The following FGF10 variants were observed in gnomAD, a reference collection of about 807,000 sequenced individuals.
FGF10 encodes the protein fibroblast growth factor 10, also known as FGF-10.
In FGF10, 2 loss-of-function variants were observed where a neutral mutation model predicts 19.8. That is an observed-to-expected ratio of 0.10 (90% CI 0.04 to 0.32). The LOEUF is 0.32. Ranked by LOEUF, FGF10 falls within the 10% of genes least tolerant of loss-of-function variation. The probability of loss-of-function intolerance (pLI) is 1.00; values close to 1 mark genes in which losing one functional copy is unlikely to be tolerated. For synonymous variants in FGF10, 112 were observed against 94.0 expected (o/e 1.19, Z -1.10); for missense variants, 191 against 246.3 (o/e 0.78, Z 1.50).
chr5:44,334,267 C>T (rs1561205144), intron 1 of FGF10, among the ~76,000 whole-genome samples: 1 of 152,074 alleles, frequency 6.6e-6, no homozygotes, highest in South Asian at 2.1e-4. Context: ...TTTGCCATAT[C>T]ATCTCTGTAC....
intron 1 of FGF10, among the ~76,000 whole-genome samples, chr5:44,319,000 C>T (rs779557533): frequency 2.0e-5 from 3 of 152,148 alleles, no homozygotes; most frequent in Non-Finnish European, 4.4e-5. Context: ...ATCCAATTCT[C>T]TTTCGTAATA....
At position 44,389,084 on chromosome 5, in the gene FGF10, C is replaced by A. The variant is rs1166792025; in HGVS notation, c.-402G>T. 1.6e-5 allele frequency: 5 copies of A among 319,630 alleles called. No individual in the cohort carries two copies. The East Asian group carries it at 3.0e-4, about 19-fold the overall frequency. 19.8% of individuals were successfully genotyped at this position (319,630 alleles called of 1,614,324 possible). On this transcript the variant is annotated 5_prime_UTR_variant, in exon 1 of 3. Coordinates refer to ENST00000264664, the MANE Select transcript of FGF10 (RefSeq NM_004465.2). ...GAAAAACAGATGACAGCACGGTGAA[C>A]AAAACCCAAGGGAGGTGGGGTGGGG...
chr5:44,366,725 G>A (rs927952679), intron 1 of FGF10, among the ~76,000 whole-genome samples: 1 of 152,008 alleles, frequency 6.6e-6, no homozygotes, highest in African/African-American at 2.4e-5. Context: ...GGTTAGTTTG[G>A]TTGAAATTCA....
chr5:44,335,386 C>CT (rs1740823744), intron 1 of FGF10, among the ~76,000 whole-genome samples: 1 of 151,998 alleles, frequency 6.6e-6, no homozygotes, highest in Non-Finnish European at 1.5e-5. Context: ...CTATTTATAG[C>CT]TAGTGTTCTA....
rs766481844 is a variant in FGF10, at chr5:44,303,485, T to C, written c.*1510A>G. ...TACTATTATAGTTATTGCTTAAAAG[T>C]ATTTAGAACAAATAGTATTTTTCTA... On this transcript the variant is annotated 3_prime_UTR_variant, in exon 3 of 3. Coordinates refer to ENST00000264664, the MANE Select transcript of FGF10 (RefSeq NM_004465.2). 6.6e-6 allele frequency: 1 copy of C among 152,280 alleles called. No homozygotes were observed. Among genetic ancestry groups the C allele is most frequent in the South Asian group, 2.1e-4 (1 of 4,828 alleles). The allele number at this position is 152,280 out of a possible 1,614,324, so 9.4% of individuals were successfully genotyped here.
At chr5:44,340,314 T>C (rs1740940175) in intron 1 of FGF10, among the ~76,000 whole-genome samples, 1 of 152,122 alleles carries the variant, frequency 6.6e-6, no homozygotes, top group Non-Finnish European at 1.5e-5. Context: ...CCAAAAGTTA[T>C]ACACTTTAGT....
At chr5:44,371,447 C>T (rs1741739854) in intron 1 of FGF10, among the ~76,000 whole-genome samples, 2 of 152,060 alleles carry the variant, frequency 1.3e-5, no homozygotes, top group South Asian at 4.1e-4. Context: ...CACTAATTAC[C>T]CATTTTTAAA....
intron 1 of FGF10, among the ~76,000 whole-genome samples, chr5:44,332,771 A>C (rs1251433271): frequency 2.0e-5 from 3 of 152,168 alleles, no homozygotes; most frequent in Non-Finnish European, 4.4e-5. Flanking sequence ...ACTTTAAGTA[A>C]GGAAGGAAAC....
chr5:44,365,141 T>C (rs1411873881), intron 1 of FGF10, among the ~76,000 whole-genome samples: 1 of 151,790 alleles, frequency 6.6e-6, no homozygotes, highest in Admixed American at 6.6e-5. Flanking sequence ...GAGATTGAAG[T>C]GACCTAAATG....
In FGF10 at chr5:44,313,655, T is replaced by C. The variant is rs753104949; in HGVS notation, c.326-3125A>G. Among the ~76,000 whole-genome samples, 91 of 152,104 alleles carry C rather than the reference T, an allele frequency of 6.0e-4. 1 individual carries two copies. The highest frequency in any genetic ancestry group is 1.1e-3 in the Non-Finnish European group (77 of 67,958). ...TATTAATGAAAGGACACATGAATTA[T>C]ATTTCCCATTCATGTAAAACAGATA... On this transcript the variant is annotated intron_variant, in intron 1 of 2. Coordinates refer to ENST00000264664, the MANE Select transcript of FGF10 (RefSeq NM_004465.2).
At chr5:44,347,940 A>G (rs569845322) in intron 1 of FGF10, among the ~76,000 whole-genome samples, 35 of 151,776 alleles carry the variant, frequency 2.3e-4, no homozygotes, top group African/African-American at 8.2e-4. Flanking sequence ...GGAACATGCT[A>G]TATTTTTATT....
At chr5:44,372,374 T>G (rs955036458) in intron 1 of FGF10, among the ~76,000 whole-genome samples, 4 of 152,162 alleles carry the variant, frequency 2.6e-5, no homozygotes, top group African/African-American at 9.7e-5. Context: ...TATAAGGACA[T>G]TTGTCATGGT....
At chr5:44,370,587 G>T (rs1418115220) in intron 1 of FGF10, among the ~76,000 whole-genome samples, 2 of 152,020 alleles carry the variant, frequency 1.3e-5, no homozygotes, top group African/African-American at 4.8e-5. Flanking sequence ...GAGTGTTGAG[G>T]AGAAAAAGAA....
chr5:44,363,667 A>T (rs1164674698), intron 1 of FGF10, among the ~76,000 whole-genome samples: 1 of 151,912 alleles, frequency 6.6e-6, no homozygotes, highest in Non-Finnish European at 1.5e-5. Flanking sequence ...GTCATTGATA[A>T]TATCTTTCTT....
chr5:44,313,410 T>G (rs1437063707), intron 1 of FGF10, among the ~76,000 whole-genome samples: 1 of 152,008 alleles, frequency 6.6e-6, no homozygotes, highest in African/African-American at 2.4e-5. Flanking sequence ...AGAATTTTGT[T>G]TGAGGATTGT....
chr5:44,365,604 C>G (rs1328840489), intron 1 of FGF10, among the ~76,000 whole-genome samples: 1 of 151,896 alleles, frequency 6.6e-6, no homozygotes, highest in African/African-American at 2.4e-5. Context: ...TCTTATGACT[C>G]TACGCTTTGA....
intron 1 of FGF10, among the ~76,000 whole-genome samples, chr5:44,371,273 G>A (rs564880266): frequency 1.2e-4 from 19 of 152,120 alleles, no homozygotes; most frequent in East Asian, 3.9e-4. Flanking sequence ...CTGCTGCCAC[G>A]GTGCCCTGCA....
At chr5:44,339,941 A>C (rs16873978) in intron 1 of FGF10, among the ~76,000 whole-genome samples, 1 of 152,064 alleles carries the variant, frequency 6.6e-6, no homozygotes, top group African/African-American at 2.4e-5. Context: ...TTTCTCCACT[A>C]TTTGGTTAGT....
At chr5:44,318,303 G>A (rs186270314) in intron 1 of FGF10, among the ~76,000 whole-genome samples, 4 of 152,252 alleles carry the variant, frequency 2.6e-5, no homozygotes, top group African/African-American at 7.2e-5. Flanking sequence ...AATTCTTCCC[G>A]ATAGGTAAAC....
Sources: gnomAD v4.1 joint callset for allele counts (sites outside exome capture counted in the v4.1 genomes callset) on GRCh38, gnomAD v4.1.1 for gene constraint, MANE v1.5 for transcripts, NCBI Gene and HGNC (gene_info 2026-07-23, HGNC 2026-07-21) for gene names.